Variants in ST6GALNAC3 observed in about 807,000 individuals in gnomAD.
ST6GALNAC3 encodes the protein ST6 N-acetylgalactosaminide alpha-2,6-sialyltransferase 3, also known as alpha-N-acetylgalactosaminide alpha-2,6-sialyltransferase 3.
Under a neutral mutation model 32.7 loss-of-function variants are expected in ST6GALNAC3, and 25 were observed. The observed-to-expected ratio is 0.76, with a 90% confidence interval of 0.56 to 1.07. The LOEUF is 1.07. ST6GALNAC3 is among the 50% of genes least tolerant of loss of function. ST6GALNAC3 has a pLI of 0.00. For synonymous variants in ST6GALNAC3, 129 were observed against 133.1 expected (o/e 0.97, Z 0.21); for missense variants, 355 against 382.4 (o/e 0.93, Z 0.60).
At chr1:76,127,697 T>G (rs1649343339) in intron 1 of ST6GALNAC3, among the ~76,000 whole-genome samples, 1 of 152,126 alleles carries the variant, frequency 6.6e-6, no homozygotes, top group Non-Finnish European at 1.5e-5. Flanking sequence ...GGGCAGCTGG[T>G]AATATGTCAG....
chr1:76,178,052 T>C (rs1430279575), intron 1 of ST6GALNAC3, among the ~76,000 whole-genome samples: 1 of 152,254 alleles, frequency 6.6e-6, no homozygotes, highest in African/African-American at 2.4e-5. Context: ...GGTCTTTACT[T>C]TGAATTGTCA....
intron 2 of ST6GALNAC3, among the ~76,000 whole-genome samples, chr1:76,341,020 T>C (rs1283280372): frequency 1.3e-5 from 2 of 151,628 alleles, no homozygotes; most frequent in Non-Finnish European, 2.9e-5. Context: ...TGAGTTTCTT[T>C]AGGCCGTTTC....
intron 1 of ST6GALNAC3, among the ~76,000 whole-genome samples, chr1:76,218,628 C>T (rs984948079): frequency 2.0e-5 from 3 of 152,130 alleles, no homozygotes; most frequent in African/African-American, 7.2e-5. Flanking sequence ...TATATATCAA[C>T]ATTTATCTGC....
At chr1:76,116,821 ACTCAGGAGGCTG>A (rs1648515906) in intron 1 of ST6GALNAC3, among the ~76,000 whole-genome samples, 2 of 152,172 alleles carry the variant, frequency 1.3e-5, no homozygotes, top group Admixed American at 1.3e-4. Flanking sequence ...AATCCCAGCT[ACTCAGGAGGCTG>A]AGGCAGAATT....
chr1:76,580,810 T>C (rs1348419507), intron 3 of ST6GALNAC3, among the ~76,000 whole-genome samples: 2 of 151,958 alleles, frequency 1.3e-5, no homozygotes, highest in Admixed American at 1.3e-4. Flanking sequence ...TGATATTGCA[T>C]GTGCAGGGTG....
At chr1:76,293,070 C>T (rs1300086341) in intron 1 of ST6GALNAC3, among the ~76,000 whole-genome samples, 1 of 152,084 alleles carries the variant, frequency 6.6e-6, no homozygotes, top group Non-Finnish European at 1.5e-5. Context: ...TTTGTGCTTC[C>T]TGGTCAACTA....
intron 1 of ST6GALNAC3, among the ~76,000 whole-genome samples, chr1:76,241,467 A>G (rs973376054): frequency 6.6e-6 from 1 of 152,140 alleles, no homozygotes; most frequent in African/African-American, 2.4e-5. Context: ...AGGAATGAAA[A>G]CAGTGAGAAC....
chr1:76,500,426 G>A (rs2101723155), intron 3 of ST6GALNAC3, among the ~76,000 whole-genome samples: 1 of 152,274 alleles, frequency 6.6e-6, no homozygotes, highest in South Asian at 2.1e-4. Flanking sequence ...CAGTAAAACT[G>A]TTTTATTAAG....
At chr1:76,305,566 G>C (rs1210497120) in intron 1 of ST6GALNAC3, among the ~76,000 whole-genome samples, 1 of 152,000 alleles carries the variant, frequency 6.6e-6, no homozygotes, top group Non-Finnish European at 1.5e-5. Flanking sequence ...TTTGGGAAGT[G>C]GTAAAGACTC....
chr1:76,277,770 A>G (rs1202706774), intron 1 of ST6GALNAC3, among the ~76,000 whole-genome samples: 1 of 151,836 alleles, frequency 6.6e-6, no homozygotes, highest in Non-Finnish European at 1.5e-5. Context: ...TTTCCCAATA[A>G]TCTGTAATGG....
At chr1:76,483,138 G>C (rs535851469) in intron 3 of ST6GALNAC3, among the ~76,000 whole-genome samples, 1 of 152,078 alleles carries the variant, frequency 6.6e-6, no homozygotes, top group Non-Finnish European at 1.5e-5. Flanking sequence ...TGGACATTTG[G>C]GTTGGTTCCA....
intron 1 of ST6GALNAC3, among the ~76,000 whole-genome samples, chr1:76,180,688 A>G (rs984707252): frequency 2.0e-5 from 3 of 152,202 alleles, no homozygotes; most frequent in African/African-American, 2.4e-5. Flanking sequence ...GAAGAGAAAG[A>G]GCGCCTGAAT....
chr1:76,472,904 T>G (rs1428894062), intron 3 of ST6GALNAC3, among the ~76,000 whole-genome samples: 1 of 152,050 alleles, frequency 6.6e-6, no homozygotes, highest in Non-Finnish European at 1.5e-5. Flanking sequence ...GAAGTGGCTC[T>G]CGGAGAGTGA....
chr1:76,259,948 C>G (rs1174755847), intron 1 of ST6GALNAC3, among the ~76,000 whole-genome samples: 1 of 152,118 alleles, frequency 6.6e-6, no homozygotes, highest in Non-Finnish European at 1.5e-5. Flanking sequence ...ACTGGTCCCT[C>G]TGTCTTCTTT....
intron 1 of ST6GALNAC3, among the ~76,000 whole-genome samples, chr1:76,113,715 G>T (rs1007431721): frequency 4.6e-5 from 7 of 152,068 alleles, no homozygotes; most frequent in Non-Finnish European, 1.0e-4. Context: ...GTGGCCAATT[G>T]TACCTCTGTA....
intron 2 of ST6GALNAC3, among the ~76,000 whole-genome samples, chr1:76,361,145 T>C (rs12737993): frequency 0.045 from 6,857 of 152,238 alleles, 221 homozygotes; most frequent in African/African-American, 0.084. Flanking sequence ...TGAAGCATAT[T>C]TGCATTGTTA....
rs1019956406 is a variant in ST6GALNAC3, at chr1:76,216,095, C to T, written c.19-97710C>T. 3.3e-5 allele frequency among the ~76,000 whole-genome samples: 5 copies of T among 152,246 alleles called. No individual in the cohort carries two copies. In the East Asian group the frequency reaches 9.7e-4, roughly 29 times the overall value. ...GGTCTCATAGATGTTATTTAAGCCC[C>T]GCCATGCACCATCTCAGGGTCTTTG... On this transcript the variant is annotated intron_variant, in intron 1 of 4. Coordinates refer to ENST00000328299, the MANE Select transcript of ST6GALNAC3 (RefSeq NM_152996.4).
chr1:76,442,766 GT>G (rs2101515436), intron 3 of ST6GALNAC3, among the ~76,000 whole-genome samples: 1 of 152,106 alleles, frequency 6.6e-6, no homozygotes, highest in East Asian at 1.9e-4. Context: ...CCCTCCTTTG[GT>G]TTTCATAAAC....
intron 3 of ST6GALNAC3, among the ~76,000 whole-genome samples, chr1:76,445,671 C>T (rs373117720): frequency 3.3e-5 from 5 of 152,062 alleles, no homozygotes; most frequent in Admixed American, 6.6e-5. Flanking sequence ...CTGATGGCTG[C>T]GTAGTATCTT....
Sources: gnomAD v4.1 joint callset for allele counts (sites outside exome capture counted in the v4.1 genomes callset) on GRCh38, gnomAD v4.1.1 for gene constraint, MANE v1.5 for transcripts, NCBI Gene and HGNC (gene_info 2026-07-23, HGNC 2026-07-21) for gene names.